Variants in KALRN observed in about 807,000 individuals in gnomAD.
KALRN encodes kalirin RhoGEF kinase.
Under a neutral mutation model 353.7 loss-of-function variants are expected in KALRN, and 70 were observed. The observed-to-expected ratio is 0.20, with a 90% confidence interval of 0.16 to 0.24. The LOEUF is 0.24. KALRN is among the 10% of genes least tolerant of loss of function. KALRN has a pLI of 1.00. For missense variants in KALRN, 2,791 were observed against 3,756.7 expected (o/e 0.74, Z 6.72); for synonymous variants, 1,391 against 1,434.8 (o/e 0.97, Z 0.69).
chr3:124,687,978 A>AT (rs1299928662), intron 51 of KALRN, among the ~76,000 whole-genome samples: 1 of 152,134 alleles, frequency 6.6e-6, no homozygotes, highest in Admixed American at 6.5e-5. Flanking sequence ...TTGCATTTAC[A>AT]TTTTTTAAAA....
chr3:124,652,724 C>G (rs930878437), intron 38 of KALRN, among the ~76,000 whole-genome samples: 3 of 152,090 alleles, frequency 2.0e-5, no homozygotes, highest in Non-Finnish European at 2.9e-5. Flanking sequence ...ACTACAGGCA[C>G]CCGCCACCGC....
chr3:124,166,226 C>T (rs1258284034), intron 1 of KALRN, among the ~76,000 whole-genome samples: 1 of 152,146 alleles, frequency 6.6e-6, no homozygotes. Context: ...GTTTTGTACA[C>T]ATGATTTTTG....
At chr3:124,241,094 C>A (rs1267013571) in intron 3 of KALRN, among the ~76,000 whole-genome samples, 1 of 152,118 alleles carries the variant, frequency 6.6e-6, no homozygotes, top group African/African-American at 2.4e-5. Context: ...ATTTGACAAG[C>A]AGAACATCAC....
chr3:124,285,279 G>A (rs960173652), intron 5 of KALRN, among the ~76,000 whole-genome samples: 1 of 152,068 alleles, frequency 6.6e-6, no homozygotes, highest in African/African-American at 2.4e-5. Context: ...TATCCTTAGA[G>A]TCTATCATGT....
intron 33 of KALRN, among the ~76,000 whole-genome samples, chr3:124,512,177 G>A (rs997412622): frequency 6.6e-5 from 10 of 152,244 alleles, no homozygotes; most frequent in Admixed American, 6.5e-4. Context: ...GGTTTGAGGG[G>A]CAAGAACTTG....
At chr3:124,170,834 T>C (rs1195971983) in intron 1 of KALRN, among the ~76,000 whole-genome samples, 1 of 45,332 alleles carries the variant, frequency 2.2e-5, no homozygotes, top group Non-Finnish European at 4.5e-5. Context: ...CCACATTCTT[T>C]TTTTTTTTTT....
chr3:124,146,574 C>T (rs953556523), intron 1 of KALRN, among the ~76,000 whole-genome samples: 2 of 151,964 alleles, frequency 1.3e-5, no homozygotes, highest in South Asian at 2.1e-4. Flanking sequence ...GATGTTCTAT[C>T]GGATGTTAAA....
In KALRN at chr3:124,712,513, G is replaced by T. The variant is rs2062937960; in HGVS notation, c.8076-422G>T. ...TGGTTTAAAAAATTACATTAGTTAG[G>T]CCAGGCAGAGTGGCTCACACCTGTA... is the stretch of plus-strand genomic sequence containing the variant. On this transcript the variant is annotated intron_variant, in intron 57 of 59. Coordinates refer to ENST00000682506, the MANE Select transcript of KALRN (RefSeq NM_001388419.1). Among the ~76,000 whole-genome samples the T allele has an allele frequency of 5.3e-5, 8 of 151,876 alleles. No homozygotes were observed. In the South Asian group the frequency reaches 1.7e-3, roughly 32 times the overall value.
rs1225435856 is a variant in KALRN, at chr3:124,628,458, C to CTCCTTCCCT, written c.5183-3940_5183-3932dup. Among the ~76,000 whole-genome samples, 484 of 118,258 alleles carry CTCCTTCCCT rather than the reference C, an allele frequency of 4.1e-3. 12 individuals are homozygous for CTCCTTCCCT. The highest frequency in any genetic ancestry group is 0.016 in the African/African-American group (466 of 29,622). 77.6% of individuals were successfully genotyped at this position (118,258 alleles called of 152,430 possible). A position where few individuals can be genotyped will look rare whatever the true frequency, so the allele number is the denominator to read the frequency against. ...CTCCCTCCCTTCCTCCTCCTTTCCC[C>CTCCTTCCCT]TCCTTCCCTTCCTTCCCTTCCTTCC... On this transcript the variant is annotated intron_variant, in intron 34 of 59. Coordinates refer to ENST00000682506, the MANE Select transcript of KALRN (RefSeq NM_001388419.1).
chr3:124,626,615 G>A (rs957552982), intron 34 of KALRN, among the ~76,000 whole-genome samples: 1 of 152,138 alleles, frequency 6.6e-6, no homozygotes, highest in African/African-American at 2.4e-5. Flanking sequence ...CCAGTCATTG[G>A]TCTTTGGGCA....
At chr3:124,562,453 G>A (rs1325497527) in intron 33 of KALRN, among the ~76,000 whole-genome samples, 1 of 152,102 alleles carries the variant, frequency 6.6e-6, no homozygotes, top group Non-Finnish European at 1.5e-5. Flanking sequence ...CTTGGAAGGA[G>A]TAAAGGGGCA....
In KALRN at chr3:124,724,780, T is replaced by C. The variant is rs529423380; in HGVS notation, c.*5310T>C. 1 of 152,300 alleles carries C rather than the reference T, an allele frequency of 6.6e-6. No homozygotes were observed. The highest frequency in any genetic ancestry group is 2.4e-5 in the African/African-American group (1 of 41,576). The allele number at this position is 152,300 out of a possible 1,614,324, so 9.4% of individuals were successfully genotyped here. A position where few individuals can be genotyped will look rare whatever the true frequency, so the allele number is the denominator to read the frequency against. On this transcript the variant is annotated 3_prime_UTR_variant, in exon 60 of 60. Transcript: ENST00000682506. ...ATTTCTTCCTCATCTTCAATAAATA[T>C]GAAGAAGTTAGAGGAGAGGAAAAAG...
intron 6 of KALRN, among the ~76,000 whole-genome samples, chr3:124,304,294 T>C (rs569411130): frequency 2.2e-4 from 33 of 152,326 alleles, no homozygotes; most frequent in South Asian, 8.3e-4. Flanking sequence ...CTTTTTAGTA[T>C]AATTTTTTGT....
At chr3:124,044,225 G>A (rs1264246292) in intron 1 of KALRN, among the ~76,000 whole-genome samples, 1 of 152,138 alleles carries the variant, frequency 6.6e-6, no homozygotes, top group African/African-American at 2.4e-5. Context: ...AGGCTCCTCA[G>A]TGGTCTCACA....
At chr3:124,071,206 T>C (rs1334715900) in intron 1 of KALRN, among the ~76,000 whole-genome samples, 1 of 152,168 alleles carries the variant, frequency 6.6e-6, no homozygotes, top group Non-Finnish European at 1.5e-5. Context: ...AGATGTTACC[T>C]GGTGGGTGAC....
At chr3:124,517,149 T>C (rs1467007107) in intron 33 of KALRN, among the ~76,000 whole-genome samples, 3 of 152,238 alleles carry the variant, frequency 2.0e-5, no homozygotes, top group Non-Finnish European at 2.9e-5. Flanking sequence ...TTTTGCCCTG[T>C]AAAGTTGGGC....
intron 33 of KALRN, among the ~76,000 whole-genome samples, chr3:124,546,703 A>AGGAGAGAG (rs2069713406): frequency 1.3e-5 from 2 of 152,216 alleles, no homozygotes; most frequent in East Asian, 3.9e-4. Context: ...TGCAGCTGAA[A>AGGAGAGAG]GGAGAGAGGG....
At chr3:124,350,706 G>C (rs1237154292) in intron 10 of KALRN, among the ~76,000 whole-genome samples, 2 of 152,100 alleles carry the variant, frequency 1.3e-5, no homozygotes, top group Non-Finnish European at 2.9e-5. Context: ...TAATCCACTG[G>C]CATAATCCAC....
chr3:124,570,692 G>A (rs2073415373), intron 34 of KALRN, among the ~76,000 whole-genome samples: 2 of 152,192 alleles, frequency 1.3e-5, no homozygotes, highest in African/African-American at 2.4e-5. Context: ...TAGATGGAGA[G>A]AGTCTAAAAG....
Sources: allele counts gnomAD v4.1 joint callset (sites outside exome capture counted in the v4.1 genomes callset), GRCh38; gene constraint gnomAD v4.1.1; transcripts MANE v1.5; gene names NCBI Gene and HGNC (gene_info 2026-07-23, HGNC 2026-07-21).